Variants in PRKN observed in about 807,000 individuals in gnomAD.
PRKN encodes the protein E3 ubiquitin-protein ligase parkin.
In PRKN, 56 loss-of-function variants were observed where a neutral mutation model predicts 59.5. That is an observed-to-expected ratio of 0.94 (90% CI 0.76 to 1.18). The LOEUF is 1.18. PRKN is among the 50% of genes most tolerant of loss of function. PRKN has a pLI of 0.00. For missense variants in PRKN, 657 were observed against 596.4 expected (o/e 1.10, Z -1.06); for synonymous variants, 250 against 222.1 (o/e 1.13, Z -1.12).
At chr6:162,263,796 A>AT (rs1208611780) in intron 2 of PRKN, among the ~76,000 whole-genome samples, 1 of 151,980 alleles carries the variant, frequency 6.6e-6, no homozygotes, top group Non-Finnish European at 1.5e-5. Context: ...TCAACTGAAA[A>AT]TACAAAAATT....
At chr6:162,428,307 T>A (rs1700730286) in intron 2 of PRKN, among the ~76,000 whole-genome samples, 1 of 152,198 alleles carries the variant, frequency 6.6e-6, no homozygotes, top group African/African-American at 2.4e-5. Context: ...AGAATGTATG[T>A]ATAGATTCTC....
At chr6:161,793,445 A>T (rs573888001) in intron 6 of PRKN, among the ~76,000 whole-genome samples, 1 of 152,126 alleles carries the variant, frequency 6.6e-6, no homozygotes, top group South Asian at 2.1e-4. Flanking sequence ...CAGCATATAC[A>T]ACGTAGCCAA....
chr6:162,475,940 C>A (rs900926834), intron 1 of PRKN, among the ~76,000 whole-genome samples: 4 of 148,302 alleles, frequency 2.7e-5, no homozygotes, highest in South Asian at 2.2e-4. Flanking sequence ...TTAGTAGAGA[C>A]AGGGTTTCAC....
At chr6:162,672,734 A>G (rs1320153392) in intron 1 of PRKN, among the ~76,000 whole-genome samples, 1 of 150,916 alleles carries the variant, frequency 6.6e-6, no homozygotes, top group African/African-American at 2.4e-5. Flanking sequence ...ATGTGTATAG[A>G]TATACAGACA....
intron 7 of PRKN, among the ~76,000 whole-genome samples, chr6:161,777,992 T>C (rs566904857): frequency 4.6e-5 from 7 of 151,482 alleles, no homozygotes; most frequent in African/African-American, 1.7e-4. Flanking sequence ...TGTATTCAAA[T>C]TCTATTACAT....
In PRKN at chr6:162,115,820, G is replaced by A. The variant is rs79240341; in HGVS notation, c.535-61646C>T. Among the ~76,000 whole-genome samples, 790 of 152,292 alleles carry A rather than the reference G, an allele frequency of 5.2e-3. 11 individuals carry two copies. Among genetic ancestry groups the A allele is most frequent in the African/African-American group, 0.018 (733 of 41,562 alleles). On this transcript the variant is annotated intron_variant, in intron 4 of 11. Transcript: ENST00000366898. Reference sequence around the variant, plus strand: ...CTGTAACTGGCAGTAGAGTAATCTTGCTAGGACCAAATATCCTTTGGTACT... The same window carrying A: ...CTGTAACTGGCAGTAGAGTAATCTTACTAGGACCAAATATCCTTTGGTACT...
chr6:162,658,252 G>C (rs560176884), intron 1 of PRKN, among the ~76,000 whole-genome samples: 5 of 152,284 alleles, frequency 3.3e-5, no homozygotes, highest in Admixed American at 3.3e-4. Context: ...TTTCTGTAGA[G>C]TCTAGCTCTT....
At chr6:161,478,763 G>A (rs1392702388) in intron 9 of PRKN, among the ~76,000 whole-genome samples, 1 of 152,206 alleles carries the variant, frequency 6.6e-6, no homozygotes, top group Non-Finnish European at 1.5e-5. Context: ...GGACGATCAC[G>A]TGAGCCTCGG....
intron 6 of PRKN, among the ~76,000 whole-genome samples, chr6:161,857,923 C>T (rs894027640): frequency 2.0e-5 from 3 of 152,192 alleles, no homozygotes; most frequent in Non-Finnish European, 4.4e-5. Context: ...TGCAAGGTAA[C>T]AGGTAGGCAA....
At chr6:161,983,906 TA>T (rs767783163) in intron 5 of PRKN, among the ~76,000 whole-genome samples, 2,197 of 117,162 alleles carry the variant, frequency 0.019, 161 homozygotes, top group African/African-American at 0.047. Flanking sequence ...TAGAGTATAA[TA>T]AAAAAAAAAA....
intron 9 of PRKN, among the ~76,000 whole-genome samples, chr6:161,432,503 C>T (rs1788694010): frequency 6.6e-6 from 1 of 150,958 alleles, no homozygotes; most frequent in African/African-American, 2.4e-5. Flanking sequence ...GCTGGGATTA[C>T]AGGCGCCCGC....
intron 3 of PRKN, among the ~76,000 whole-genome samples, chr6:162,206,725 C>T (rs991478636): frequency 3.3e-5 from 5 of 152,150 alleles, no homozygotes; most frequent in Non-Finnish European, 7.3e-5. Flanking sequence ...TCAGAAGTAA[C>T]AGCAGGGGCA....
intron 6 of PRKN, among the ~76,000 whole-genome samples, chr6:161,913,809 G>A (rs181652849): frequency 1.8e-4 from 27 of 152,254 alleles, no homozygotes; most frequent in African/African-American, 6.5e-4. Flanking sequence ...GCGTCTGGGA[G>A]GTAATTAGAT....
intron 4 of PRKN, among the ~76,000 whole-genome samples, chr6:162,161,560 G>C (rs1052789774): frequency 1.3e-5 from 2 of 152,162 alleles, no homozygotes; most frequent in African/African-American, 4.8e-5. Flanking sequence ...TCCTGCCTAT[G>C]ATGGGAATCA....
At chr6:162,010,241 T>C (rs1782442556) in intron 5 of PRKN, among the ~76,000 whole-genome samples, 1 of 120,714 alleles carries the variant, frequency 8.3e-6, no homozygotes, top group Non-Finnish European at 1.8e-5. Context: ...ATTTTATATA[T>C]TTATTATACA....
intron 7 of PRKN, among the ~76,000 whole-genome samples, chr6:161,780,625 A>G (rs557629466): frequency 6.6e-6 from 1 of 152,358 alleles, no homozygotes; most frequent in Admixed American, 6.5e-5. Flanking sequence ...CTTCAAAGAA[A>G]CTATTAATTA....
rs547664837 is a variant in PRKN, at chr6:162,427,319, A to G, written c.171+15991T>C. Among the ~76,000 whole-genome samples the G allele has an allele frequency of 3.3e-5, 5 of 152,322 alleles. No individual in the cohort carries two copies. The South Asian group carries it at 1.0e-3, about 32-fold the overall frequency. On this transcript the variant is annotated intron_variant, in intron 2 of 11. Transcript: ENST00000366898. ...TGGTGCACAAATACCACACCCAGGA[A>G]TTGGTCTAGAGAAAGTCTTATACCT...
intron 9 of PRKN, among the ~76,000 whole-genome samples, chr6:161,501,933 C>T (rs1054300961): frequency 7.9e-5 from 12 of 152,098 alleles, no homozygotes; most frequent in African/African-American, 1.9e-4. Flanking sequence ...TTCTAAGATG[C>T]GGCTGTTCTG....
chr6:161,644,651 T>C (rs1415243763), intron 7 of PRKN, among the ~76,000 whole-genome samples: 2 of 152,190 alleles, frequency 1.3e-5, no homozygotes, highest in Non-Finnish European at 2.9e-5. Context: ...CTTGGACATA[T>C]GGTTTTGGCT....
Sources: allele counts gnomAD v4.1 joint callset (sites outside exome capture counted in the v4.1 genomes callset), GRCh38; gene constraint gnomAD v4.1.1; transcripts MANE v1.5; gene names NCBI Gene and HGNC (gene_info 2026-07-23, HGNC 2026-07-21).